The following AFDN variants were observed in gnomAD, a reference collection of about 807,000 sequenced individuals.
AFDN encodes the protein afadin.
AFDN carries 68 observed loss-of-function variants against 216.6 expected under a neutral mutation model. That is an observed-to-expected ratio of 0.31 (90% confidence interval 0.26 to 0.38). The LOEUF (loss-of-function observed/expected upper bound fraction) is 0.38. Among genes scored for constraint, AFDN ranks in the 10% least tolerant of loss-of-function variants. The pLI is 1.00. For missense variants in AFDN, 2,136 were observed against 2,342.0 expected (o/e 0.91, Z 1.82); for synonymous variants, 868 against 853.7 (o/e 1.02, Z -0.29).
intron 1 of AFDN, among the ~76,000 whole-genome samples, chr6:167,855,858 CT>C (rs1273017036): frequency 1.3e-5 from 2 of 152,246 alleles, no homozygotes; most frequent in South Asian, 4.1e-4. Flanking sequence ...TGCATCATTA[CT>C]TTTCTGAGAA....
chr6:167,919,785 T>A (rs1791548979), intron 21 of AFDN, among the ~76,000 whole-genome samples: 1 of 152,240 alleles, frequency 6.6e-6, no homozygotes, highest in South Asian at 2.1e-4. Flanking sequence ...AGTCTGCCAC[T>A]TTTTCATAAA....
chr6:167,908,995 T>C (rs1030198416), intron 13 of AFDN, among the ~76,000 whole-genome samples: 6 of 152,178 alleles, frequency 3.9e-5, no homozygotes, highest in African/African-American at 1.4e-4. Context: ...ACTAAATTTT[T>C]TTTTCTTTTA....
intron 1 of AFDN, among the ~76,000 whole-genome samples, chr6:167,833,623 A>AT (rs35517640): frequency 3.3e-5 from 5 of 151,950 alleles, no homozygotes; most frequent in African/African-American, 1.2e-4. Flanking sequence ...CTAGTTCCTG[A>AT]TTTTTTTATA....
chr6:167,964,023 G>A, intron 31 of AFDN: 1 of 1,064,506 alleles, frequency 9.4e-7, no homozygotes, highest in Middle Eastern at 4.2e-4. Context: ...CAGCTGGGTT[G>A]TCACGGCAGC....
intron 23 of AFDN, among the ~76,000 whole-genome samples, chr6:167,935,137 T>C (rs894118738): frequency 6.6e-6 from 1 of 152,206 alleles, no homozygotes; most frequent in African/African-American, 2.4e-5. Flanking sequence ...TGTCCTCCTT[T>C]CTTCTCTCTC....
At chr6:167,929,653 C>G (rs117500439) in intron 23 of AFDN, among the ~76,000 whole-genome samples, 3 of 152,178 alleles carry the variant, frequency 2.0e-5, no homozygotes, top group African/African-American at 7.2e-5. Flanking sequence ...TCTCACTCTC[C>G]CATGCATGGC....
At chr6:167,866,444 C>G (rs767890990) in intron 2 of AFDN, among the ~76,000 whole-genome samples, 3 of 152,128 alleles carry the variant, frequency 2.0e-5, no homozygotes, top group Non-Finnish European at 2.9e-5. Flanking sequence ...AATGGCACCG[C>G]TAGGCCAGAG....
chr6:167,832,911 T>C (rs567588617), intron 1 of AFDN, among the ~76,000 whole-genome samples: 2 of 152,318 alleles, frequency 1.3e-5, no homozygotes, highest in African/African-American at 4.8e-5. Flanking sequence ...CACTCCTTTG[T>C]AGTTAGAGTG....
chr6:167,889,189 A>G (rs1448104352), intron 6 of AFDN, 26 bp from the exon 7 acceptor site: 3 of 1,499,336 alleles, frequency 2.0e-6, no homozygotes, highest in Non-Finnish European at 2.8e-6. Flanking sequence ...TGGCACATTC[A>G]TAGTTAATTA....
Position 167,946,897 on chromosome 6 carries a change from A to G in AFDN, c.3549A>G (p.Val1183=). Residue 1183 remains valine, a synonymous_variant, in exon 27 of 34, where the codon GTA becomes GTG. Transcript: ENST00000683244. Reference sequence around the variant, plus strand: ...CTGATCACCGTTCCAGCCCCAACGTAGCAAGTAAGAGTGACACTTTTTTGC... The same window carrying G: ...CTGATCACCGTTCCAGCCCCAACGTGGCAAGTAAGAGTGACACTTTTTTGC... ...NRADHRSSPN[V]ANQPPSPGGK... The G allele has an allele frequency of 6.2e-7, 1 of 1,607,058 alleles. No homozygotes were observed. The highest frequency in any genetic ancestry group is 8.5e-7 in the Non-Finnish European group (1 of 1,178,372).
At chr6:167,850,182 A>G (rs1782143437) in intron 1 of AFDN, among the ~76,000 whole-genome samples, 2 of 152,238 alleles carry the variant, frequency 1.3e-5, no homozygotes, top group South Asian at 4.1e-4. Context: ...GTTATAAGGC[A>G]GTAATAGTCA....
intron 1 of AFDN, among the ~76,000 whole-genome samples, chr6:167,854,117 A>AT (rs1562555693): frequency 6.6e-6 from 1 of 151,748 alleles, no homozygotes; most frequent in East Asian, 1.9e-4. Flanking sequence ...AAACCTTCAG[A>AT]TTTTTGCCAA....
chr6:167,963,666 C>T (rs1481960903), intron 31 of AFDN: 20 of 1,060,468 alleles, frequency 1.9e-5, no homozygotes, highest in Non-Finnish European at 2.1e-5. Flanking sequence ...GACCTTTGCC[C>T]TCTAAGTTTA....
intron 15 of AFDN, 196 bp downstream of exon 15, chr6:167,911,685 C>A: frequency 1.7e-6 from 1 of 578,988 alleles, no homozygotes; most frequent in South Asian, 2.2e-5. Flanking sequence ...TTTTGTTTTC[C>A]CTGTAAAACT....
intron 1 of AFDN, among the ~76,000 whole-genome samples, chr6:167,848,755 A>G (rs1334932954): frequency 6.6e-6 from 1 of 152,166 alleles, no homozygotes; most frequent in Non-Finnish European, 1.5e-5. Context: ...AATAATTTCA[A>G]TTTGTTACCC....
At chr6:167,831,122 A>G (rs772203242) in intron 1 of AFDN, among the ~76,000 whole-genome samples, 2 of 151,774 alleles carry the variant, frequency 1.3e-5, no homozygotes, top group Non-Finnish European at 2.9e-5. Flanking sequence ...TTGTATTTTT[A>G]GTAGAGACGG....
chr6:167,861,994 T>C (rs1315533901), intron 1 of AFDN, among the ~76,000 whole-genome samples: 3 of 152,218 alleles, frequency 2.0e-5, no homozygotes, highest in Non-Finnish European at 4.4e-5. Flanking sequence ...CCAATGAATA[T>C]TTTAGAGACT....
intron 23 of AFDN, among the ~76,000 whole-genome samples, chr6:167,928,346 CAG>C (rs535701978): frequency 1.3e-3 from 194 of 152,306 alleles, no homozygotes; most frequent in African/African-American, 3.7e-3. Flanking sequence ...GCCAGGGTGA[CAG>C]GGGGCAATTA....
intron 6 of AFDN, among the ~76,000 whole-genome samples, chr6:167,881,823 A>C (rs980872948): frequency 2.0e-5 from 3 of 152,232 alleles, no homozygotes; most frequent in Non-Finnish European, 4.4e-5. Flanking sequence ...ACTGATGGCT[A>C]GAAGATTTAT....
Sources: gnomAD v4.1 joint callset for allele counts (sites outside exome capture counted in the v4.1 genomes callset) on GRCh38, gnomAD v4.1.1 for gene constraint, MANE v1.5 for transcripts, NCBI Gene and HGNC (gene_info 2026-07-23, HGNC 2026-07-21) for gene names.